LBH: variants seen among roughly 807,000 people sequenced by gnomAD.
LBH encodes the protein protein LBH.
A neutral mutation model predicts 12.5 loss-of-function variants in LBH; 7 were observed. The observed-to-expected ratio is 0.56, with a 90% confidence interval of 0.32 to 1.05. The LOEUF (loss-of-function observed/expected upper bound fraction) is 1.05, where lower values mean the gene tolerates loss of function less well. Ranked by LOEUF, LBH falls within the 50% of genes least tolerant of loss-of-function variation. The probability of loss-of-function intolerance (pLI) is 0.04; values close to 1 mark genes in which losing one functional copy is unlikely to be tolerated. For missense variants in LBH, 119 were observed against 138.9 expected (o/e 0.86, Z 0.72); for synonymous variants, 51 against 50.1 (o/e 1.02, Z -0.08).
intron 2 of LBH, among the ~76,000 whole-genome samples, chr2:30,240,483 T>G (rs890247445): frequency 6.6e-6 from 1 of 152,298 alleles, no homozygotes. Flanking sequence ...GTAGACTTGC[T>G]GGGGGCTTCA....
At chr2:30,234,608 C>G (rs924286709) in intron 2 of LBH, 101 bp downstream of exon 2, 1 of 748,098 alleles carries the variant, frequency 1.3e-6, no homozygotes, top group East Asian at 2.7e-5. Context: ...CATATAAGAG[C>G]TGTGGGACTG....
intron 2 of LBH, among the ~76,000 whole-genome samples, chr2:30,240,440 G>A (rs1308025694): frequency 6.6e-6 from 1 of 152,182 alleles, no homozygotes; most frequent in Admixed American, 6.5e-5. Context: ...AGTCCTCAGA[G>A]GATATGAAGA....
intron 2 of LBH, among the ~76,000 whole-genome samples, chr2:30,234,986 G>T (rs1677661491): frequency 6.6e-6 from 1 of 152,166 alleles, no homozygotes; most frequent in Admixed American, 6.5e-5. Context: ...TCCTTGGGTT[G>T]ATTATTGACC....
intron 2 of LBH, among the ~76,000 whole-genome samples, chr2:30,237,105 C>T (rs144020503): frequency 1.0e-3 from 157 of 152,306 alleles, no homozygotes; most frequent in African/African-American, 3.4e-3. Flanking sequence ...TGCTCAGGCT[C>T]GGCTCAGGCC....
chr2:30,232,430 C>A, intron 1 of LBH: 1 of 579,504 alleles, frequency 1.7e-6, no homozygotes, highest in Non-Finnish European at 2.8e-6. Context: ...GGGCGCGGGG[C>A]GTCGGAGGTT....
chr2:30,242,067 T>C (rs1327230178), intron 2 of LBH, among the ~76,000 whole-genome samples: 1 of 152,200 alleles, frequency 6.6e-6, no homozygotes, highest in African/African-American at 2.4e-5. Flanking sequence ...ACGTATATTT[T>C]CTCTTATAAA....
At chr2:30,232,101 C>T (rs1470543918) in intron 1 of LBH, 1 of 1,538,502 alleles carries the variant, frequency 6.5e-7, no homozygotes, top group Non-Finnish European at 8.8e-7. Context: ...AGGCGCGCGC[C>T]CCACTTGGCG....
intron 2 of LBH, among the ~76,000 whole-genome samples, chr2:30,244,042 C>G (rs764179053): frequency 1.3e-5 from 2 of 152,084 alleles, no homozygotes; most frequent in Non-Finnish European, 2.9e-5. Context: ...GACTAGTTTT[C>G]CATTTATGTA....
intron 2 of LBH, among the ~76,000 whole-genome samples, chr2:30,237,784 G>T (rs1412096787): frequency 6.6e-6 from 1 of 152,234 alleles, no homozygotes; most frequent in Non-Finnish European, 1.5e-5. Context: ...TGGAGAGGCA[G>T]TTCAGTAAGG....
intron 2 of LBH, among the ~76,000 whole-genome samples, chr2:30,255,877 A>G (rs1467016751): frequency 6.6e-6 from 1 of 152,116 alleles, no homozygotes; most frequent in African/African-American, 2.4e-5. Flanking sequence ...GTCTCCACCC[A>G]CTCAAAGTTT....
rs560823984 is a variant in LBH at position 30,249,381 on chromosome 2, A to G, written c.130-8052A>G. On this transcript the variant is annotated intron_variant, in intron 2 of 2. Coordinates refer to ENST00000395323, the MANE Select transcript of LBH (RefSeq NM_030915.4). ...GCAGGATGCTGGTAGAGATCTGCCC[A>G]TTGTTATAAGCCAGCCCATCGTAGG... is the stretch of plus-strand genomic sequence containing the variant. 2.0e-4 allele frequency among the ~76,000 whole-genome samples: 31 copies of G among 152,274 alleles called. No homozygotes were observed. In the East Asian group the frequency reaches 5.6e-3, roughly 28 times the overall value.
At chr2:30,247,109 CTG>C (rs1381710262) in intron 2 of LBH, among the ~76,000 whole-genome samples, 1 of 152,072 alleles carries the variant, frequency 6.6e-6, no homozygotes, top group African/African-American at 2.4e-5. Flanking sequence ...ACATGAAACA[CTG>C]TGCCCAGCCA....
Position 30,253,916 on chromosome 2 carries a change from T to C in LBH, c.130-3517T>C, listed in dbSNP as rs541087852. 9.9e-5 allele frequency among the ~76,000 whole-genome samples: 15 copies of C among 152,216 alleles called. No homozygotes were observed. The South Asian group carries it at 1.5e-3, about 15-fold the overall frequency. On this transcript the variant is annotated intron_variant, in intron 2 of 2. Transcript: ENST00000395323. ...AGTTATACAATGGTGGTCAAGGACA[T>C]AGTGAGCACCTGGGTTGTGTGGCTT...
chr2:30,240,405 A>C (rs932758796), intron 2 of LBH, among the ~76,000 whole-genome samples: 5 of 152,170 alleles, frequency 3.3e-5, no homozygotes, highest in Non-Finnish European at 7.3e-5. Flanking sequence ...TCCTGAAATG[A>C]TCTTGCAGGC....
At chr2:30,244,428 A>G (rs927876521) in intron 2 of LBH, among the ~76,000 whole-genome samples, 3 of 152,210 alleles carry the variant, frequency 2.0e-5, no homozygotes, top group Non-Finnish European at 4.4e-5. Context: ...ACATGATGGC[A>G]GGGAGGGTTT....
intron 2 of LBH, among the ~76,000 whole-genome samples, chr2:30,242,692 G>A (rs1041613966): frequency 6.6e-6 from 1 of 152,194 alleles, no homozygotes; most frequent in Non-Finnish European, 1.5e-5. Flanking sequence ...AGACCATACT[G>A]TACATGCTGT....
At chr2:30,246,591 T>C (rs1677872567) in intron 2 of LBH, among the ~76,000 whole-genome samples, 1 of 152,164 alleles carries the variant, frequency 6.6e-6, no homozygotes, top group Non-Finnish European at 1.5e-5. Context: ...TAAAGTCTAG[T>C]TTAATAGAAG....
chr2:30,236,326 C>CT (rs1318177302), intron 2 of LBH, among the ~76,000 whole-genome samples: 5 of 152,186 alleles, frequency 3.3e-5, no homozygotes, highest in Non-Finnish European at 7.3e-5. Flanking sequence ...CAACCTGGGG[C>CT]TGCAAGGGCA....
At chr2:30,234,587 TC>T in intron 2 of LBH, 80 bp downstream of exon 2, 2 of 967,812 alleles carry the variant, frequency 2.1e-6, no homozygotes, top group Non-Finnish European at 3.3e-6. Flanking sequence ...TGGTTTTGCA[TC>T]CCAGTGCCAC....
Sources: gnomAD v4.1 joint callset for allele counts (sites outside exome capture counted in the v4.1 genomes callset) on GRCh38, gnomAD v4.1.1 for gene constraint, MANE v1.5 for transcripts, NCBI Gene and HGNC (gene_info 2026-07-23, HGNC 2026-07-21) for gene names.